Variants in ARHGAP32 observed in about 807,000 individuals in gnomAD.
ARHGAP32 encodes the protein rho GTPase-activating protein 32.
ARHGAP32 carries 51 observed loss-of-function variants against 186.5 expected under a neutral mutation model. That is an observed-to-expected ratio of 0.27 (90% confidence interval 0.22 to 0.35). The LOEUF is 0.35. ARHGAP32 is among the 10% of genes least tolerant of loss of function. The probability of loss-of-function intolerance (pLI) is 1.00; values close to 1 mark genes in which losing one functional copy is unlikely to be tolerated. For synonymous variants in ARHGAP32, 950 were observed against 964.3 expected (o/e 0.99, Z 0.27); for missense variants, 2,186 against 2,623.5 (o/e 0.83, Z 3.64).
chr11:129,164,309 A>T lies in ARHGAP32; in HGVS notation c.225+10T>A. 1.4e-6 allele frequency: 2 copies of T among 1,465,606 alleles called. No individual in the cohort carries two copies. Among genetic ancestry groups the T allele is most frequent in the Non-Finnish European group, 1.9e-6 (2 of 1,072,838 alleles). The allele number at this position is 1,465,606 out of a possible 1,614,324, so 90.8% of individuals were successfully genotyped here. On this transcript the variant is annotated intron_variant, in intron 2 of 22. Coordinates refer to ENST00000682385, the MANE Select transcript of ARHGAP32 (RefSeq NM_001378024.1). ...ATGTATATATGAACAATTGTATAAA[A>T]CTGATTTACCATTGCGCTAAGAGTT... is the stretch of plus-strand genomic sequence containing the variant.
intron 1 of ARHGAP32, among the ~76,000 whole-genome samples, chr11:129,245,522 C>T (rs1220080274): frequency 2.3e-4 from 35 of 149,886 alleles, no homozygotes; most frequent in Non-Finnish European, 7.4e-5. Context: ...GTGGGTGCAG[C>T]GCACCAGCAT....
intron 2 of ARHGAP32, among the ~76,000 whole-genome samples, chr11:129,130,930 A>G (rs1265724965): frequency 3.3e-5 from 5 of 152,200 alleles, no homozygotes; most frequent in African/African-American, 1.2e-4. Context: ...AAATAGAAAC[A>G]TTACAAATAC....
chr11:129,190,643 T>A (rs1944252001), intron 1 of ARHGAP32, among the ~76,000 whole-genome samples: 1 of 152,202 alleles, frequency 6.6e-6, no homozygotes, highest in Admixed American at 6.5e-5. Context: ...AGGATTACAG[T>A]ACCAAATCTG....
intron 2 of ARHGAP32, among the ~76,000 whole-genome samples, chr11:129,160,141 TATC>T (rs1943498978): frequency 6.6e-6 from 1 of 152,080 alleles, no homozygotes; most frequent in African/African-American, 2.4e-5. Flanking sequence ...CCACAGCCAA[TATC>T]ATACTGAAAG....
intron 1 of ARHGAP32, among the ~76,000 whole-genome samples, chr11:129,255,896 G>T (rs1945248201): frequency 6.6e-6 from 1 of 152,058 alleles, no homozygotes; most frequent in African/African-American, 2.4e-5. Context: ...AAGATATGTT[G>T]TAGGATGTTC....
At chr11:129,189,140 A>G (rs1320492210) in intron 1 of ARHGAP32, among the ~76,000 whole-genome samples, 1 of 152,234 alleles carries the variant, frequency 6.6e-6, no homozygotes, top group East Asian at 1.9e-4. Flanking sequence ...AACTTGAGAT[A>G]TCAGCTGTAG....
At chr11:129,279,124 C>T in intron 1 of ARHGAP32, 1 of 147,122 alleles carries the variant, frequency 6.8e-6, no homozygotes, top group South Asian at 1.8e-4. Context: ...GCGCCCCCGG[C>T]CCTCCCGCGC....
chr11:129,122,835 T>TGTAAA (rs1430096716), intron 5 of ARHGAP32, among the ~76,000 whole-genome samples: 1 of 152,006 alleles, frequency 6.6e-6, no homozygotes, highest in Non-Finnish European at 1.5e-5. Context: ...TGAAAGACAA[T>TGTAAA]GTAAAGGGTG....
chr11:129,104,107 A>C (rs1170275117), intron 5 of ARHGAP32, among the ~76,000 whole-genome samples: 1 of 152,042 alleles, frequency 6.6e-6, no homozygotes, highest in Non-Finnish European at 1.5e-5. Flanking sequence ...AATAAGAGCC[A>C]AAAAAAGCAT....
At chr11:129,246,691 A>G (rs1792692805) in intron 1 of ARHGAP32, among the ~76,000 whole-genome samples, 1 of 152,208 alleles carries the variant, frequency 6.6e-6, no homozygotes, top group South Asian at 2.1e-4. Context: ...ACTAGTGGCA[A>G]TTGAATGCTG....
chr11:129,269,281 T>C (rs544872881), intron 1 of ARHGAP32, among the ~76,000 whole-genome samples: 1 of 151,962 alleles, frequency 6.6e-6, no homozygotes, highest in East Asian at 1.9e-4. Flanking sequence ...GAAAAATAAA[T>C]TAATTAATTA....
chr11:129,121,706 C>CGG (rs1942535842), intron 5 of ARHGAP32, among the ~76,000 whole-genome samples: 1 of 151,912 alleles, frequency 6.6e-6, no homozygotes, highest in Admixed American at 6.6e-5. Flanking sequence ...TGGAATTCTA[C>CGG]AGGGTTGAAG....
In ARHGAP32 at chr11:128,967,031, C is replaced by T. The variant is rs1188073452; in HGVS notation, c.*1876G>A. On this transcript the variant is annotated 3_prime_UTR_variant, in exon 23 of 23. Coordinates refer to ENST00000682385, the MANE Select transcript of ARHGAP32 (RefSeq NM_001378024.1). ...TGTAGAGGCCTCAATTTCCACAGAC[C>T]TTTTCACATATGGGTGTTTCAAGGT... 6.6e-6 allele frequency: 1 copy of T among 152,190 alleles called. No homozygotes were observed. The highest frequency in any genetic ancestry group is 1.5e-5 in the Non-Finnish European group (1 of 68,034). The allele number at this position is 152,190 out of a possible 1,614,324, so 9.4% of individuals were successfully genotyped here. A position where few individuals can be genotyped will look rare whatever the true frequency, so the allele number is the denominator to read the frequency against.
chr11:128,987,590 A>T (rs1333392342), intron 13 of ARHGAP32, among the ~76,000 whole-genome samples: 2 of 152,198 alleles, frequency 1.3e-5, no homozygotes, highest in African/African-American at 4.8e-5. Context: ...TTTGTCTCAG[A>T]GAAGATTTGG....
intron 1 of ARHGAP32, among the ~76,000 whole-genome samples, chr11:129,197,617 T>C (rs1944409714): frequency 1.3e-5 from 2 of 152,038 alleles, no homozygotes; most frequent in African/African-American, 2.4e-5. Flanking sequence ...TATATGTATG[T>C]ATCATATAAT....
intron 6 of ARHGAP32, among the ~76,000 whole-genome samples, chr11:129,074,739 G>A (rs998469264): frequency 2.0e-5 from 3 of 152,018 alleles, no homozygotes; most frequent in Admixed American, 6.6e-5. Flanking sequence ...TGATCCGCTC[G>A]CCTTGGCCTC....
intron 11 of ARHGAP32, among the ~76,000 whole-genome samples, chr11:129,032,057 C>T (rs1281079839): frequency 6.6e-6 from 1 of 152,192 alleles, no homozygotes; most frequent in African/African-American, 2.4e-5. Flanking sequence ...AAATCCTCCA[C>T]ATTCACCACC....
chr11:128,994,194 GC>G (rs775871466), intron 12 of ARHGAP32, among the ~76,000 whole-genome samples: 1 of 147,860 alleles, frequency 6.8e-6, no homozygotes, highest in Non-Finnish European at 1.5e-5. Flanking sequence ...CGCTCTTGTT[GC>G]CCAGACTGGA....
chr11:129,024,698 G>A (rs939988770), intron 11 of ARHGAP32, among the ~76,000 whole-genome samples: 5 of 152,180 alleles, frequency 3.3e-5, no homozygotes, highest in Admixed American at 1.3e-4. Flanking sequence ...GTTTTCCCAA[G>A]TACAACCTTC....
Sources: gnomAD v4.1 joint callset for allele counts (sites outside exome capture counted in the v4.1 genomes callset) on GRCh38, gnomAD v4.1.1 for gene constraint, MANE v1.5 for transcripts, NCBI Gene and HGNC (gene_info 2026-07-23, HGNC 2026-07-21) for gene names.